Variants in ZNF432 observed in about 807,000 individuals in gnomAD.
ZNF432 encodes the protein zinc finger protein 432.
A neutral mutation model predicts 13.9 loss-of-function variants in ZNF432; 10 were observed. That is an observed-to-expected ratio of 0.72 (90% CI 0.44 to 1.22). The LOEUF is 1.22. Ranked by LOEUF, ZNF432 falls within the 50% of genes most tolerant of loss-of-function variation. ZNF432 has a pLI of 0.00. For missense variants in ZNF432, 793 were observed against 796.2 expected (o/e 1.00, Z 0.05); for synonymous variants, 247 against 256.2 (o/e 0.96, Z 0.34).
intron 4 of ZNF432, 131 bp downstream of exon 4, chr19:52,040,357 G>T (rs891047112): frequency 5.1e-6 from 4 of 779,462 alleles, no homozygotes; most frequent in Non-Finnish European, 9.0e-6. Flanking sequence ...AATAAGATGG[G>T]AAGGGTTTCT....
intron 1 of ZNF432, among the ~76,000 whole-genome samples, chr19:52,047,696 T>C (rs2087199786): frequency 6.7e-6 from 1 of 149,366 alleles, no homozygotes; most frequent in African/African-American, 2.5e-5. Flanking sequence ...AATGTTTATA[T>C]ACACACTTCA....
At chr19:52,045,521 TA>T (rs2087173173) in intron 2 of ZNF432, among the ~76,000 whole-genome samples, 1 of 151,382 alleles carries the variant, frequency 6.6e-6, no homozygotes, top group African/African-American at 2.4e-5. Context: ...CACACCCAGT[TA>T]ATTTTGTGTT....
chr19:52,043,156 G>T (rs1465938129), intron 2 of ZNF432, among the ~76,000 whole-genome samples: 1 of 152,188 alleles, frequency 6.6e-6, no homozygotes, highest in Admixed American at 6.5e-5. Context: ...AGAGAGATCA[G>T]ATTGTTACTG....
At chr19:52,041,075 T>C (rs2087131778) in intron 3 of ZNF432, among the ~76,000 whole-genome samples, 1 of 152,078 alleles carries the variant, frequency 6.6e-6, no homozygotes, top group African/African-American at 2.4e-5. Flanking sequence ...CATTCCAGCC[T>C]GAGTGAAAGA....
At chr19:52,048,184 A>ACACACACACACACACACACACACACACAC (rs1568525403) in intron 1 of ZNF432, among the ~76,000 whole-genome samples, 3 of 56,106 alleles carry the variant, frequency 5.3e-5, no homozygotes, top group African/African-American at 1.4e-4. Flanking sequence ...CACACACACA[A>ACACACACACACACACACACACACACACAC]AACCAGCCAG....
Position 52,035,233 on chromosome 19 carries a change from C to A in ZNF432, c.446G>T (p.Ser149Ile). 1 of 1,608,058 alleles carries A rather than the reference C, an allele frequency of 6.2e-7. No homozygotes were observed. The highest frequency in any genetic ancestry group is 8.5e-7 in the Non-Finnish European group (1 of 1,178,382). The stretch of plus-strand genomic sequence containing the variant: ...TTTAGTAGAGTTGTTAATTTCACAG[C>A]TTTTGTTCTGGTTGACTAAACTTAA... ...SNLSLVNQNKSCEINNSTKFS... is the reference protein window; with the variant it reads ...SNLSLVNQNKICEINNSTKFS... The change falls in exon 5 of 5, where the codon AGC (serine) becomes ATC (isoleucine). Residue 149 changes from serine to isoleucine, a missense_variant. Coordinates refer to ENST00000221315, the MANE Select transcript of ZNF432 (RefSeq NM_014650.4).
chr19:52,034,591 T>A lies in ZNF432; in HGVS notation c.1088A>T (p.His363Leu). The change falls in exon 5 of 5, where the codon CAT becomes CTT. Residue 363 changes from histidine to leucine, a missense_variant. Transcript: ENST00000221315. ...TTTCTCTCCTGTATGATTTCGTTGA[T>A]GTATGATGACATAGTGTTTTGTGGT... The part of the protein sequence containing the change: ...GFTTKHYVII[H>L]QRNHTGEKPY... The A allele has an allele frequency of 1.2e-6, 2 of 1,613,812 alleles. No homozygotes were observed. The highest frequency in any genetic ancestry group is 1.7e-6 in the Non-Finnish European group (2 of 1,179,948).
chr19:52,040,578 G>C lies in ZNF432; in HGVS notation c.148C>G (p.Gln50Glu), dbSNP rs769922751. 1.2e-6 allele frequency: 2 copies of C among 1,613,944 alleles called. No homozygotes were observed. The highest frequency in any genetic ancestry group is 8.5e-7 in the Non-Finnish European group (1 of 1,179,890). ...GAGAGTGCATCTGGTTTGCTGACTT[G>C]ATAACCTGTTTACGGGAAATAATAG... is the stretch of plus-strand genomic sequence containing the variant. ...IYSNLLSMGYQVSKPDALSKL... is the reference protein window; with the variant it reads ...IYSNLLSMGYEVSKPDALSKL... Residue 50 changes from glutamine (Q) to glutamate (E), a missense_variant, in exon 4 of 5, where the codon CAA (glutamine) becomes GAA (glutamate). Physicochemically the swap from Gln to Glu is conservative, Grantham distance 29 (BLOSUM62 2). Coordinates refer to ENST00000221315, the MANE Select transcript of ZNF432 (RefSeq NM_014650.4).
rs2087033548 is a variant in ZNF432, at chr19:52,033,314, C to T, written c.*406G>A. ...TATATGCATGTATGCTAGGAGCACACTGCTGTTTAATCAGTTCACATTACT... is the reference window on the plus strand; with the variant it reads ...TATATGCATGTATGCTAGGAGCACATTGCTGTTTAATCAGTTCACATTACT... On this transcript the variant is annotated 3_prime_UTR_variant, in exon 5 of 5. Transcript: ENST00000221315. 1 of 171,172 alleles carries T rather than the reference C, an allele frequency of 5.8e-6. No individual in the cohort carries two copies. The highest frequency in any genetic ancestry group is 2.4e-5 in the African/African-American group (1 of 41,772). 10.6% of individuals were successfully genotyped at this position (171,172 alleles called of 1,614,324 possible). A position where few individuals can be genotyped will look rare whatever the true frequency, so the allele number is the denominator to read the frequency against.
intron 1 of ZNF432, among the ~76,000 whole-genome samples, chr19:52,047,661 G>C: frequency 7.4e-6 from 1 of 134,646 alleles, no homozygotes; most frequent in Non-Finnish European, 1.5e-5. Flanking sequence ...ACAAAAGCAA[G>C]ACTCCATCTC....
intron 2 of ZNF432, among the ~76,000 whole-genome samples, chr19:52,046,007 C>CAAAAAAAAAAAAAAA (rs201110474): frequency 5.7e-5 from 5 of 87,078 alleles, no homozygotes; most frequent in South Asian, 3.3e-4. Flanking sequence ...AAACAAAAAC[C>CAAAAAAAAAAAAAAA]AAAAAAAAAA....
chr19:52,039,303 A>G (rs2087112172), intron 4 of ZNF432, among the ~76,000 whole-genome samples: 1 of 152,244 alleles, frequency 6.6e-6, no homozygotes, highest in South Asian at 2.1e-4. Flanking sequence ...GATTCATAAA[A>G]GCCAAAAAGT....
Position 52,034,589 on chromosome 19 carries a change from G to T in ZNF432, c.1090C>A (p.Gln364Lys), listed in dbSNP as rs769933242. The stretch of plus-strand genomic sequence containing the variant: ...GGTTTCTCTCCTGTATGATTTCGTT[G>T]ATGTATGATGACATAGTGTTTTGTG... ...FTTKHYVIIH[Q>K]RNHTGEKPYI... Residue 364 changes from glutamine to lysine, a missense_variant, in exon 5 of 5, where the codon CAA (glutamine) becomes AAA (lysine). Physicochemically the swap from Gln to Lys is moderately conservative, Grantham distance 53. Coordinates refer to ENST00000221315, the MANE Select transcript of ZNF432 (RefSeq NM_014650.4). 2 of 1,613,320 alleles carry T rather than the reference G, an allele frequency of 1.2e-6. No individual in the cohort carries two copies. The highest frequency in any genetic ancestry group is 1.7e-6 in the Non-Finnish European group (2 of 1,179,888).
rs1156434392 is a variant in ZNF432, at chr19:52,046,271, T to C, written c.15+583A>G. On this transcript the variant is annotated intron_variant, in intron 2 of 4. Coordinates refer to ENST00000221315, the MANE Select transcript of ZNF432 (RefSeq NM_014650.4). ...AATGGAAGCTATGCACACCTTCCAT[T>C]TTCCTAGGTCACTTAGATTTTATTC... Among the ~76,000 whole-genome samples, 3 of 152,062 alleles carry C rather than the reference T, an allele frequency of 2.0e-5. No homozygotes were observed. In the East Asian group the frequency reaches 5.8e-4, roughly 29 times the overall value.
At chr19:52,037,185 G>A (rs560452821) in intron 4 of ZNF432, among the ~76,000 whole-genome samples, 1 of 152,284 alleles carries the variant, frequency 6.6e-6, no homozygotes, top group Admixed American at 6.5e-5. Flanking sequence ...ATCTCCATCT[G>A]TTGAAATTAA....
rs2087039556 is a variant in ZNF432, at chr19:52,033,809, G to A, written c.1870C>T (p.Pro624Ser). ...TTTCTACATTCACTGCATACAAAGGGTTTCTCTCCTGTATGAGTTCGTTGA... is the reference window on the plus strand; with the variant it reads ...TTTCTACATTCACTGCATACAAAGGATTTCTCTCCTGTATGAGTTCGTTGA... ...VHQRTHTGEKPFVCSECRKAF... is the reference protein window; with the variant it reads ...VHQRTHTGEKSFVCSECRKAF... The change falls in exon 5 of 5, where the codon CCC becomes TCC. Residue 624 changes from proline (P) to serine (S), a missense_variant. Physicochemically the swap from Pro to Ser is moderately conservative, Grantham distance 74. Coordinates refer to ENST00000221315, the MANE Select transcript of ZNF432 (RefSeq NM_014650.4). 2 of 1,613,776 alleles carry A rather than the reference G, an allele frequency of 1.2e-6. No homozygotes were observed. Among genetic ancestry groups the A allele is most frequent in the East Asian group, 4.5e-5 (2 of 44,856 alleles).
intron 1 of ZNF432, 134 bp from the exon 2 acceptor site, chr19:52,047,194 A>C: frequency 2.9e-6 from 1 of 343,080 alleles, no homozygotes; most frequent in Admixed American, 4.6e-5. Flanking sequence ...TCTTCGGTGA[A>C]GTGTGGAAGT....
At chr19:52,046,588 A>G (rs2087185302) in intron 2 of ZNF432, among the ~76,000 whole-genome samples, 1 of 152,192 alleles carries the variant, frequency 6.6e-6, no homozygotes, top group African/African-American at 2.4e-5. Flanking sequence ...TGTATAACTT[A>G]GTGTGACTTT....
At chr19:52,045,857 T>C (rs1014197693) in intron 2 of ZNF432, among the ~76,000 whole-genome samples, 1 of 151,258 alleles carries the variant, frequency 6.6e-6, no homozygotes, top group African/African-American at 2.4e-5. Flanking sequence ...TAGCCAGGCA[T>C]GCAAGTGCAC....
Sources: allele counts gnomAD v4.1 joint callset (sites outside exome capture counted in the v4.1 genomes callset), GRCh38; gene constraint gnomAD v4.1.1; transcripts MANE v1.5; gene names NCBI Gene and HGNC (gene_info 2026-07-23, HGNC 2026-07-21).